Variants in KMT2A observed in about 807,000 individuals in gnomAD.
The protein encoded by KMT2A is lysine methyltransferase 2A.
KMT2A carries 16 observed loss-of-function variants against 345.3 expected under a neutral mutation model. The observed-to-expected ratio is 0.05, with a 90% confidence interval of 0.03 to 0.07. The LOEUF is 0.07. KMT2A is among the 10% of genes least tolerant of loss of function. The probability of loss-of-function intolerance (pLI) is 1.00; values close to 1 mark genes in which losing one functional copy is unlikely to be tolerated. For synonymous variants in KMT2A, 1,599 were observed against 1,778.6 expected, an observed-to-expected ratio of 0.90 and a Z score of 2.54; for missense variants, 3,272 against 4,841.6, an observed-to-expected ratio of 0.68 and a Z score of 9.62.
intron 10 of KMT2A, among the ~76,000 whole-genome samples, chr11:118,485,941 G>A (rs1008738019): frequency 1.3e-5 from 2 of 152,162 alleles, no homozygotes; most frequent in Admixed American, 6.5e-5. Flanking sequence ...AAATTAGCCG[G>A]GTGTGGTGGC....
Position 118,436,683 on chromosome 11 carries a change from C to T in KMT2A, c.171C>T (p.Pro57=). 2 of 1,273,960 alleles carry T rather than the reference C, an allele frequency of 1.6e-6. No individual in the cohort carries two copies. Among genetic ancestry groups the T allele is most frequent in the East Asian group, 3.1e-5 (1 of 31,838 alleles). 78.9% of individuals were successfully genotyped at this position (1,273,960 alleles called of 1,614,324 possible). The part of the protein sequence containing the change: ...GGGGPGAPPS[P]PAVAAAAAAA... ...GCGGCCCCGGGGCGCCCCCCTCCCC[C>T]CCGGCTGTGGCGGCCGCGGCGGCGG... The change falls in exon 1 of 36, where the codon CCC becomes CCT. Residue 57 remains proline (P), a synonymous_variant. Transcript: ENST00000534358. The surrounding 1 kb of genome is among the most constrained non-coding windows in gnomAD (Gnocchi z 6.9).
intron 1 of KMT2A, among the ~76,000 whole-genome samples, chr11:118,440,361 C>G (rs376865829): frequency 1.7e-4 from 26 of 152,030 alleles, no homozygotes; most frequent in African/African-American, 5.8e-4. Flanking sequence ...TTTGCCTTTC[C>G]CCTTCCCTCT....
rs938404324 is a variant in KMT2A at position 118,493,115 on chromosome 11, C to T, written c.5063C>T (p.Ser1688Phe). The T allele has an allele frequency of 1.2e-6, 2 of 1,613,962 alleles. No individual in the cohort carries two copies. The highest frequency in any genetic ancestry group is 1.7e-6 in the Non-Finnish European group (2 of 1,179,922). ...GAGGAGAGTATACCTTCCCGCAGCTCCCCCGAAGGACCTGATCCACCAGTT... is the reference window on the plus strand; with the variant it reads ...GAGGAGAGTATACCTTCCCGCAGCTTCCCCGAAGGACCTGATCCACCAGTT... ...ETEESIPSRS[S>F]PEGPDPPVLT... Residue 1688 changes from serine to phenylalanine, a missense_variant, in exon 16 of 36, where the codon TCC becomes TTC. Transcript: ENST00000534358. This position sits in a 1 kb window ranked among gnomAD's most constrained non-coding sequence, Gnocchi z 5.8.
chr11:118,487,149 G>A (rs917228927), intron 10 of KMT2A, among the ~76,000 whole-genome samples: 2 of 152,212 alleles, frequency 1.3e-5, no homozygotes, highest in Non-Finnish European at 2.9e-5. Flanking sequence ...CAGTCTACAA[G>A]TGCCAGGGGT....
chr11:118,524,740 T>A lies in KMT2A; in HGVS notation c.*2568T>A, dbSNP rs1951044919. The A allele has an allele frequency of 1.7e-5, 3 of 180,166 alleles. No homozygotes were observed. The highest frequency in any genetic ancestry group is 2.4e-5 in the Non-Finnish European group (2 of 84,218). 11.2% of individuals were successfully genotyped at this position (180,166 alleles called of 1,614,324 possible). A position where few individuals can be genotyped will look rare whatever the true frequency, so the allele number is the denominator to read the frequency against. ...AAAAAAAACCTTAAGCTGCATTTGTTACTGAAATGATTAATGCACTGATGG... is the reference window on the plus strand; with the variant it reads ...AAAAAAAACCTTAAGCTGCATTTGTAACTGAAATGATTAATGCACTGATGG... On this transcript the variant is annotated 3_prime_UTR_variant, in exon 36 of 36. Coordinates refer to ENST00000534358, the MANE Select transcript of KMT2A (RefSeq NM_001197104.2).
rs2135295579 is a variant in KMT2A at position 118,521,447 on chromosome 11, C to G, written c.11643+30C>G. 6.2e-7 allele frequency: 1 copy of G among 1,610,996 alleles called. No individual in the cohort carries two copies. Among genetic ancestry groups the G allele is most frequent in the African/African-American group, 1.3e-5 (1 of 74,964 alleles). On this transcript the variant is annotated intron_variant, in intron 35 of 35. Transcript: ENST00000534358. This position sits in a 1 kb window ranked among gnomAD's most constrained non-coding sequence, Gnocchi z 5.3. ...GTCTCCCACTTGCACTCACACAGTTCTTTTGTTTTGCTGTAGAAAGGGACC... is the reference window on the plus strand; with the variant it reads ...GTCTCCCACTTGCACTCACACAGTTGTTTTGTTTTGCTGTAGAAAGGGACC...
chr11:118,489,982 C>A, intron 12 of KMT2A, 95 bp downstream of exon 12: 1 of 1,418,444 alleles, frequency 7.0e-7, no homozygotes, highest in South Asian at 1.2e-5. Context: ...TTGAGGATGT[C>A]AGTATGACAA....
chr11:118,489,964 A>G (rs1033963460), intron 12 of KMT2A, 77 bp downstream of exon 12: 32 of 1,462,800 alleles, frequency 2.2e-5, no homozygotes. Flanking sequence ...TATTACAAAT[A>G]TCTATGCTTG....
intron 2 of KMT2A, among the ~76,000 whole-genome samples, chr11:118,470,394 G>A (rs1320104100): frequency 6.6e-6 from 1 of 152,006 alleles, no homozygotes; most frequent in Non-Finnish European, 1.5e-5. Context: ...ACTTTTTCAT[G>A]GTAGTTTCCT....
chr11:118,463,409 G>A (rs1949784384), intron 1 of KMT2A, among the ~76,000 whole-genome samples: 1 of 152,172 alleles, frequency 6.6e-6, no homozygotes, highest in African/African-American at 2.4e-5. Context: ...TAAGTGTTGG[G>A]AAATCCCCAG....
rs1208923054 is a variant in KMT2A, at chr11:118,505,117, G to A, written c.9225G>A (p.Lys3075=). The change falls in exon 27 of 36, where the codon AAG becomes AAA. Residue 3075 remains lysine (K), a synonymous_variant. Transcript: ENST00000534358. The surrounding 1 kb of genome is among the most constrained non-coding windows in gnomAD (Gnocchi z 4.6). ...AAVQTTPPHL[K]PATEKLIVVN... is the part of the protein sequence containing the mutation. ...TCCAGACCACTCCACCCCACCTGAA[G>A]CCAGCCACTGAGAAACTCATAGTTG... 1.2e-6 allele frequency: 2 copies of A among 1,613,978 alleles called. No homozygotes were observed. The highest frequency in any genetic ancestry group is 1.7e-6 in the Non-Finnish European group (2 of 1,180,010).
intron 1 of KMT2A, among the ~76,000 whole-genome samples, chr11:118,463,092 C>T (rs530010374): frequency 6.6e-6 from 1 of 151,734 alleles, no homozygotes; most frequent in Admixed American, 6.6e-5. Flanking sequence ...TAATAATGAA[C>T]CTAACAGTGT....
chr11:118,482,539 C>T (rs1231589105), intron 8 of KMT2A, 44 bp downstream of exon 8: 1 of 1,393,692 alleles, frequency 7.2e-7, no homozygotes, highest in African/African-American at 1.4e-5. Flanking sequence ...GGGATGTATT[C>T]TATTTTGTAG....
chr11:118,495,362 TG>T lies in KMT2A; in HGVS notation c.5364-336del, dbSNP rs1438358118. On this transcript the variant is annotated intron_variant, in intron 18 of 35. Coordinates refer to ENST00000534358, the MANE Select transcript of KMT2A (RefSeq NM_001197104.2). This position sits in a 1 kb window ranked among gnomAD's most constrained non-coding sequence, Gnocchi z 4.1. ...TAATAGAGACTGGGTTTCACCATTT[TG>T]GCCAGGATGGTCTTGATCTCTTGAC... Among the ~76,000 whole-genome samples, 2 of 152,056 alleles carry T rather than the reference TG, an allele frequency of 1.3e-5. No individual in the cohort carries two copies. Among genetic ancestry groups the T allele is most frequent in the African/African-American group, 2.4e-5 (1 of 41,414 alleles).
Position 118,497,877 on chromosome 11 carries a change from A to T in KMT2A, c.5665-59A>T. The stretch of plus-strand genomic sequence containing the variant: ...ATCTTCACTGGAAAAGCTAATGCCG[A>T]GGAAAACCTCCTTTGGCATTATATT... On this transcript the variant is annotated intron_variant, in intron 20 of 35. Transcript: ENST00000534358. The surrounding 1 kb of genome is among the most constrained non-coding windows in gnomAD (Gnocchi z 4.8). 1 of 1,404,466 alleles carries T rather than the reference A, an allele frequency of 7.1e-7. No individual in the cohort carries two copies. The allele number at this position is 1,404,466 out of a possible 1,614,324, so 87.0% of individuals were successfully genotyped here. A position where few individuals can be genotyped will look rare whatever the true frequency, so the allele number is the denominator to read the frequency against.
At position 118,484,319 on chromosome 11, in the gene KMT2A, AG is replaced by A; in HGVS notation, c.4218+7del. ...AGGATCAGAGTGGACTTTAAGGTAA[AG>A]GTGTTCAGTGATCATAAAGTATATT... is the stretch of plus-strand genomic sequence containing the variant. On this transcript the variant is annotated splice_donor_region_variant and intron_variant, in intron 9 of 35. Coordinates refer to ENST00000534358, the MANE Select transcript of KMT2A (RefSeq NM_001197104.2). The surrounding 1 kb of genome is among the most constrained non-coding windows in gnomAD (Gnocchi z 4.1). The A allele has an allele frequency of 6.2e-7, 1 of 1,613,748 alleles. No homozygotes were observed. The highest frequency in any genetic ancestry group is 2.2e-5 in the East Asian group (1 of 44,874).
At chr11:118,466,835 A>T (rs1309716795) in intron 1 of KMT2A, among the ~76,000 whole-genome samples, 1 of 151,906 alleles carries the variant, frequency 6.6e-6, no homozygotes, top group East Asian at 1.9e-4. Flanking sequence ...AAACAACAAA[A>T]AACCAACAAA....
intron 1 of KMT2A, among the ~76,000 whole-genome samples, chr11:118,452,868 G>A (rs531632658): frequency 6.6e-5 from 10 of 151,598 alleles, no homozygotes; most frequent in East Asian, 2.0e-4. Context: ...TCCTGACCTC[G>A]TGATCTGCCC....
In KMT2A at chr11:118,436,592, T is replaced by C. The variant is rs2134152430; in HGVS notation, c.80T>C (p.Leu27Pro). The change falls in exon 1 of 36, where the codon CTA becomes CCA. Residue 27 changes from leucine to proline, a missense_variant. By Grantham distance (98) the Leu-to-Pro change is moderately conservative (BLOSUM62 -3). This residue lies in a region of KMT2A where 412 missense variants were observed against 511.0 expected (regional missense o/e 0.81). Coordinates refer to ENST00000534358, the MANE Select transcript of KMT2A (RefSeq NM_001197104.2). The surrounding 1 kb of genome is among the most constrained non-coding windows in gnomAD (Gnocchi z 6.9). ...GGGGGGGRRGLGGAPRQRVPA... is the reference protein window; with the variant it reads ...GGGGGGGRRGPGGAPRQRVPA... ...GGCGGCGGCGGGGGGCGCCGGGGCCTAGGGGGCGCCCCGCGGCAACGCGTC... is the reference window on the plus strand; with the variant it reads ...GGCGGCGGCGGGGGGCGCCGGGGCCCAGGGGGCGCCCCGCGGCAACGCGTC... The C allele has an allele frequency of 8.6e-7, 1 of 1,166,068 alleles. No homozygotes were observed. Among genetic ancestry groups the C allele is most frequent in the Non-Finnish European group, 1.1e-6 (1 of 937,674 alleles). 72.2% of individuals were successfully genotyped at this position (1,166,068 alleles called of 1,614,324 possible).
Sources: allele counts gnomAD v4.1 joint callset (sites outside exome capture counted in the v4.1 genomes callset), GRCh38; gene constraint gnomAD v4.1.1; regional missense constraint gnomAD v4.1.1; non-coding constraint Gnocchi (gnomAD v3.1); transcripts MANE v1.5; gene names NCBI Gene and HGNC (gene_info 2026-07-23, HGNC 2026-07-21).